Variants in CAB39L observed in about 807,000 individuals in gnomAD.
CAB39L encodes calcium-binding protein 39-like.
Under a neutral mutation model 39.1 loss-of-function variants are expected in CAB39L, and 23 were observed. The observed-to-expected ratio is 0.59, with a 90% CI of 0.42 to 0.83. The LOEUF (loss-of-function observed/expected upper bound fraction) is 0.83. Ranked by LOEUF, CAB39L falls within the 40% of genes least tolerant of loss-of-function variation. The probability of loss-of-function intolerance (pLI) is 0.00; values close to 1 mark genes in which losing one functional copy is unlikely to be tolerated. For missense variants in CAB39L, 366 were observed against 391.9 expected (o/e 0.93, Z 0.56); for synonymous variants, 126 against 137.2 (o/e 0.92, Z 0.57).
intron 6 of CAB39L, among the ~76,000 whole-genome samples, chr13:49,351,445 G>A (rs1194055884): frequency 2.0e-5 from 3 of 152,180 alleles, no homozygotes; most frequent in African/African-American, 7.2e-5. Context: ...TTCGATTGTA[G>A]AGGAAGAACC....
intron 5 of CAB39L, among the ~76,000 whole-genome samples, chr13:49,366,814 G>A (rs759045696): frequency 2.0e-5 from 3 of 152,016 alleles, no homozygotes; most frequent in African/African-American, 4.8e-5. Context: ...TCAGGAGTTC[G>A]AGACCAGCCT....
intron 6 of CAB39L, among the ~76,000 whole-genome samples, chr13:49,355,836 C>T (rs532506304): frequency 2.6e-5 from 4 of 151,788 alleles, no homozygotes; most frequent in South Asian, 4.2e-4. Context: ...TCATTAGACA[C>T]CGATGAAAGT....
chr13:49,358,820 A>G (rs555644897), intron 6 of CAB39L, among the ~76,000 whole-genome samples: 1 of 152,184 alleles, frequency 6.6e-6, no homozygotes, highest in Non-Finnish European at 1.5e-5. Flanking sequence ...AGATCGCATC[A>G]CTGTACTCCA....
chr13:49,353,639 T>C (rs2138478920), intron 6 of CAB39L, among the ~76,000 whole-genome samples: 1 of 152,226 alleles, frequency 6.6e-6, no homozygotes, highest in Non-Finnish European at 1.5e-5. Flanking sequence ...TTCAGGATTA[T>C]TCTTTCTGCC....
chr13:49,322,160 A>G (rs768681220), intron 10 of CAB39L, among the ~76,000 whole-genome samples: 5 of 152,010 alleles, frequency 3.3e-5, no homozygotes, highest in Non-Finnish European at 5.9e-5. Flanking sequence ...GCACCCCAAC[A>G]TGCTCCCAGC....
chr13:49,400,186 G>C (rs1198748951), intron 3 of CAB39L, among the ~76,000 whole-genome samples: 1 of 151,888 alleles, frequency 6.6e-6, no homozygotes, highest in Admixed American at 6.6e-5. Flanking sequence ...TATTTTTTGA[G>C]GCTAGCAGAG....
intron 5 of CAB39L, among the ~76,000 whole-genome samples, chr13:49,371,454 T>C (rs762622325): frequency 6.6e-6 from 1 of 152,220 alleles, no homozygotes; most frequent in African/African-American, 2.4e-5. Flanking sequence ...ATTACAGACG[T>C]AAGCCACCAC....
chr13:49,340,024 T>C (rs1954960165), intron 8 of CAB39L, among the ~76,000 whole-genome samples: 2 of 152,358 alleles, frequency 1.3e-5, no homozygotes, highest in African/African-American at 2.4e-5. Flanking sequence ...AGAGAACTCA[T>C]TTTATGCCAT....
intron 3 of CAB39L, among the ~76,000 whole-genome samples, chr13:49,402,979 G>A (rs1405694736): frequency 6.6e-6 from 1 of 152,084 alleles, no homozygotes; most frequent in African/African-American, 2.4e-5. Context: ...TACTCCGAGA[G>A]TTGTAGTATA....
At chr13:49,389,067 G>A (rs1348415056) in intron 3 of CAB39L, among the ~76,000 whole-genome samples, 1 of 152,120 alleles carries the variant, frequency 6.6e-6, no homozygotes, top group Non-Finnish European at 1.5e-5. Flanking sequence ...AAAGAAGAAA[G>A]AAAAGTGTTG....
rs959701061 is a variant in CAB39L, at chr13:49,379,625, T to A, written c.112-2494A>T. On this transcript the variant is annotated intron_variant, in intron 4 of 10. Coordinates refer to ENST00000409308, the MANE Select transcript of CAB39L (RefSeq NM_001079670.3). ...TTGTTCACTTGTTTATCTGCTGACC[T>A]TCCCTCCACTATTGTCCCATGACCC... Among the ~76,000 whole-genome samples, 9 of 32,928 alleles carry A rather than the reference T, an allele frequency of 2.7e-4. 2 individuals carry two copies. The highest frequency in any genetic ancestry group is 9.0e-4 in the Admixed American group (4 of 4,436). The allele number at this position is 32,928 out of a possible 152,430, so 21.6% of individuals were successfully genotyped here.
chr13:49,391,841 T>C (rs943146139), intron 3 of CAB39L, among the ~76,000 whole-genome samples: 28 of 151,792 alleles, frequency 1.8e-4, no homozygotes, highest in Admixed American at 6.6e-5. Flanking sequence ...AAACAGAGAA[T>C]ATAAAACAAT....
intron 2 of CAB39L, 131 bp from the exon 3 acceptor site, chr13:49,433,524 A>G: frequency 2.8e-6 from 1 of 361,172 alleles, no homozygotes; most frequent in Non-Finnish European, 5.3e-6. Flanking sequence ...AATACATCAA[A>G]TTAAAACAGG....
intron 5 of CAB39L, among the ~76,000 whole-genome samples, chr13:49,372,835 C>G (rs573123633): frequency 6.6e-6 from 1 of 152,004 alleles, no homozygotes; most frequent in African/African-American, 2.4e-5. Context: ...CCACCACGCC[C>G]GGCTAATTTT....
At chr13:49,441,241 A>ATATATATATATATATATATATG in intron 1 of CAB39L, among the ~76,000 whole-genome samples, 1 of 142,300 alleles carries the variant, frequency 7.0e-6, no homozygotes, top group African/African-American at 2.8e-5. Context: ...ATATATATAT[A>ATATATATATATATATATATATG]TATTCCCTTT....
At position 49,377,446 on chromosome 13, in the gene CAB39L, T is replaced by C. The variant is rs571704947; in HGVS notation, c.112-315A>G. Among the ~76,000 whole-genome samples the C allele has an allele frequency of 2.1e-5, 2 of 93,986 alleles. 1 individual carries two copies. The highest frequency in any genetic ancestry group is 1.9e-4 in the Admixed American group (2 of 10,700). The allele number at this position is 93,986 out of a possible 152,430, so 61.7% of individuals were successfully genotyped here. ...CCCTCTCCCCACGGTCTCCCTCTCA[T>C]GCGGAGCCGAAGCTGGACTGTACTG... On this transcript the variant is annotated intron_variant, in intron 4 of 10. Transcript: ENST00000409308.
At chr13:49,338,969 G>A (rs1190729428) in intron 9 of CAB39L, among the ~76,000 whole-genome samples, 3 of 151,992 alleles carry the variant, frequency 2.0e-5, no homozygotes, top group Admixed American at 6.6e-5. Flanking sequence ...GGAGATAAAT[G>A]CTTCCCATAA....
At chr13:49,407,451 T>C (rs533777102) in intron 3 of CAB39L, among the ~76,000 whole-genome samples, 1 of 152,224 alleles carries the variant, frequency 6.6e-6, no homozygotes, top group South Asian at 2.1e-4. Context: ...AATTGATTAG[T>C]CCATTAAATT....
intron 10 of CAB39L, among the ~76,000 whole-genome samples, chr13:49,323,519 G>A (rs966714603): frequency 2.0e-5 from 3 of 152,176 alleles, no homozygotes; most frequent in Admixed American, 6.5e-5. Context: ...GAGCACACAC[G>A]CTGCTGACCT....
Sources: gnomAD v4.1 joint callset for allele counts (sites outside exome capture counted in the v4.1 genomes callset) on GRCh38, gnomAD v4.1.1 for gene constraint, MANE v1.5 for transcripts, NCBI Gene and HGNC (gene_info 2026-07-23, HGNC 2026-07-21) for gene names.